MSR1: variants seen among roughly 807,000 people sequenced by gnomAD.
The protein encoded by MSR1 is macrophage scavenger receptor types I and II.
MSR1 carries 53 observed loss-of-function variants against 47.2 expected under a neutral mutation model. The observed-to-expected ratio is 1.12, with a 90% CI of 0.90 to 1.41. The LOEUF (loss-of-function observed/expected upper bound fraction) is 1.41. Among genes scored for constraint, MSR1 ranks in the 40% most tolerant of loss-of-function variants. The pLI is 0.00. For synonymous variants in MSR1, 239 were observed against 185.6 expected (o/e 1.29, Z -2.34); for missense variants, 786 against 546.9 (o/e 1.44, Z -4.36).
chr8:16,175,444 G>C (rs1019648471), intron 2 of MSR1, 144 bp from the exon 3 acceptor site: 1 of 738,832 alleles, frequency 1.4e-6, no homozygotes, highest in Admixed American at 2.5e-5. Flanking sequence ...CTTTGCAGTA[G>C]AAAGCAAAAG....
chr8:16,173,274 C>T (rs559452998), intron 3 of MSR1, among the ~76,000 whole-genome samples: 4 of 152,252 alleles, frequency 2.6e-5, no homozygotes, highest in Admixed American at 2.0e-4. Context: ...AATTATTTTC[C>T]GACTCCTGTC....
chr8:16,116,008 A>G (rs1300247465), intron 9 of MSR1, among the ~76,000 whole-genome samples: 1 of 151,992 alleles, frequency 6.6e-6, no homozygotes, highest in African/African-American at 2.4e-5. Flanking sequence ...AATCTAAGTC[A>G]TATTAGTGGG....
At chr8:16,146,531 C>T (rs1800703609) in intron 7 of MSR1, among the ~76,000 whole-genome samples, 1 of 152,118 alleles carries the variant, frequency 6.6e-6, no homozygotes, top group Non-Finnish European at 1.5e-5. Context: ...CACCCCACCC[C>T]ACAGAATCTG....
At chr8:16,162,983 G>C (rs1389709995) in intron 5 of MSR1, among the ~76,000 whole-genome samples, 2 of 151,868 alleles carry the variant, frequency 1.3e-5, no homozygotes, top group Non-Finnish European at 2.9e-5. Flanking sequence ...TAAAATATTA[G>C]CAGGAAACTA....
chr8:16,152,458 A>G lies in MSR1; in HGVS notation c.899-2147T>C, dbSNP rs142990860. Among the ~76,000 whole-genome samples, 378 of 152,136 alleles carry G rather than the reference A, an allele frequency of 2.5e-3. 2 individuals are homozygous for G. Among genetic ancestry groups the G allele is most frequent in the African/African-American group, 8.7e-3 (361 of 41,504 alleles). On this transcript the variant is annotated intron_variant, in intron 6 of 9. Coordinates refer to ENST00000262101, the MANE Select transcript of MSR1 (RefSeq NM_138715.3). ...AATATCTATGGGTAAGATGAGCTTT[A>G]TTTTCTCTTCTGGAAGCACGATTCC...
At chr8:16,162,934 G>A (rs907409127) in intron 5 of MSR1, among the ~76,000 whole-genome samples, 1 of 151,614 alleles carries the variant, frequency 6.6e-6, no homozygotes, top group Non-Finnish European at 1.5e-5. Flanking sequence ...TATTGACTAA[G>A]TTCTCGATTA....
intron 3 of MSR1, among the ~76,000 whole-genome samples, chr8:16,172,992 C>A (rs540052840): frequency 4.6e-5 from 7 of 152,224 alleles, no homozygotes; most frequent in African/African-American, 1.7e-4. Context: ...TACTGATCTA[C>A]AACTTAATTA....
intron 9 of MSR1, among the ~76,000 whole-genome samples, chr8:16,112,538 A>G (rs1054274678): frequency 6.6e-6 from 1 of 152,040 alleles, no homozygotes; most frequent in African/African-American, 2.4e-5. Flanking sequence ...CCAGGGGAAA[A>G]ATTTATTTAA....
At chr8:16,169,616 G>GTCTCAACCTT (rs1184626386) in intron 3 of MSR1, among the ~76,000 whole-genome samples, 2 of 151,988 alleles carry the variant, frequency 1.3e-5, no homozygotes, top group East Asian at 3.9e-4. Flanking sequence ...CTAGGATTTT[G>GTCTCAACCTT]GTGTACGTGT....
intron 1 of MSR1, among the ~76,000 whole-genome samples, chr8:16,178,859 T>C (rs1475880191): frequency 6.6e-6 from 1 of 152,006 alleles, no homozygotes; most frequent in Non-Finnish European, 1.5e-5. Context: ...TGGCCAGTGA[T>C]GATGAGCATT....
chr8:16,145,983 G>C (rs1451025963), intron 7 of MSR1, among the ~76,000 whole-genome samples: 1 of 152,020 alleles, frequency 6.6e-6, no homozygotes, highest in Non-Finnish European at 1.5e-5. Context: ...TAAGAACCAG[G>C]TCATATGTAG....
intron 7 of MSR1, among the ~76,000 whole-genome samples, chr8:16,145,144 C>G (rs1211067338): frequency 6.6e-6 from 1 of 152,046 alleles, no homozygotes; most frequent in Non-Finnish European, 1.5e-5. Context: ...GTCATAATAT[C>G]AAATTTCTAA....
chr8:16,127,574 A>G lies in MSR1; in HGVS notation c.1034-6968T>C, dbSNP rs560384932. ...CTTGTCAAGGGGAAAGCTCAGGATC[A>G]AAAGTAGAGACAGAGTTATTTTGAA... On this transcript the variant is annotated intron_variant, in intron 8 of 9. Coordinates refer to ENST00000262101, the MANE Select transcript of MSR1 (RefSeq NM_138715.3). 1.7e-3 allele frequency among the ~76,000 whole-genome samples: 257 copies of G among 152,310 alleles called. 1 individual carries two copies. Among genetic ancestry groups the G allele is most frequent in the Non-Finnish European group, 3.0e-3 (203 of 68,016 alleles).
At chr8:16,186,816 G>C (rs1396491313) in intron 1 of MSR1, among the ~76,000 whole-genome samples, 1 of 132,164 alleles carries the variant, frequency 7.6e-6, no homozygotes, top group Non-Finnish European at 1.6e-5. Context: ...GTCTTACTAT[G>C]TTGCCCAGGC....
chr8:16,119,157 A>C lies in MSR1; in HGVS notation c.1222+1261T>G, dbSNP rs769429667. Among the ~76,000 whole-genome samples, 28 of 152,170 alleles carry C rather than the reference A, an allele frequency of 1.8e-4. 1 individual carries two copies. Among genetic ancestry groups the C allele is most frequent in the Admixed American group, 1.8e-3 (27 of 15,282 alleles). On this transcript the variant is annotated intron_variant, in intron 9 of 9. Transcript: ENST00000262101. Reference sequence around the variant, plus strand: ...TGACATCTCCTCTCTTCATGAAATTAAATTATCCTTCTGGGACCTAAAGAC... The same window carrying C: ...TGACATCTCCTCTCTTCATGAAATTCAATTATCCTTCTGGGACCTAAAGAC...
chr8:16,143,455 T>A lies in MSR1; in HGVS notation c.1033+103A>T, dbSNP rs1800614772. On this transcript the variant is annotated intron_variant, in intron 8 of 9. Coordinates refer to ENST00000262101, the MANE Select transcript of MSR1 (RefSeq NM_138715.3). ...TTGGCTTCCATAGAGTCTGTATGGA[T>A]CTGTGCTGAAGTTGCGAACATTTGC... is the stretch of plus-strand genomic sequence containing the variant. 3 of 935,728 alleles carry A rather than the reference T, an allele frequency of 3.2e-6. No homozygotes were observed. The Admixed American group carries it at 5.5e-5, about 17-fold the overall frequency. The allele number at this position is 935,728 out of a possible 1,614,324, so 58.0% of individuals were successfully genotyped here. A position where few individuals can be genotyped will look rare whatever the true frequency, so the allele number is the denominator to read the frequency against.
rs184000362 is a variant in MSR1 at position 16,112,994 on chromosome 8, A to G, written c.1223-2776T>C. On this transcript the variant is annotated intron_variant, in intron 9 of 9. Transcript: ENST00000262101. Reference sequence around the variant, plus strand: ...CAGAGACTCACTCCCTCTATCGCCCAGGCTGGAGTGCAATGGCGTGATCTC... The same window carrying G: ...CAGAGACTCACTCCCTCTATCGCCCGGGCTGGAGTGCAATGGCGTGATCTC... Among the ~76,000 whole-genome samples, 217 of 130,934 alleles carry G rather than the reference A, an allele frequency of 1.7e-3. 1 individual carries two copies. Among genetic ancestry groups the G allele is most frequent in the African/African-American group, 6.1e-3 (206 of 33,770 alleles). 85.9% of individuals were successfully genotyped at this position (130,934 alleles called of 152,430 possible). A position where few individuals can be genotyped will look rare whatever the true frequency, so the allele number is the denominator to read the frequency against.
intron 8 of MSR1, among the ~76,000 whole-genome samples, chr8:16,135,830 T>G (rs989801339): frequency 6.6e-6 from 1 of 152,114 alleles, no homozygotes; most frequent in African/African-American, 2.4e-5. Flanking sequence ...CATGAATGAC[T>G]GTGAGGGGTT....
intron 7 of MSR1, among the ~76,000 whole-genome samples, chr8:16,144,482 G>T (rs1466214161): frequency 6.6e-6 from 1 of 151,988 alleles, no homozygotes; most frequent in Admixed American, 6.6e-5. Context: ...ATTCCCTCCA[G>T]CAAAACTGAG....
Sources: allele counts gnomAD v4.1 joint callset (sites outside exome capture counted in the v4.1 genomes callset), GRCh38; gene constraint gnomAD v4.1.1; transcripts MANE v1.5; gene names NCBI Gene and HGNC (gene_info 2026-07-23, HGNC 2026-07-21).